BLK: variants seen among roughly 807,000 people sequenced by gnomAD.
BLK encodes tyrosine-protein kinase Blk.
In BLK, 64 loss-of-function variants were observed where a neutral mutation model predicts 61.8. That is an observed-to-expected ratio of 1.03 (90% CI 0.85 to 1.27). The LOEUF (loss-of-function observed/expected upper bound fraction) is 1.27. BLK is among the 50% of genes most tolerant of loss of function. BLK has a pLI of 0.00. For synonymous variants in BLK, 351 were observed against 272.0 expected (o/e 1.29, Z -2.86); for missense variants, 853 against 660.5 (o/e 1.29, Z -3.19).
chr8:11,533,439 G>T (rs991789456), intron 1 of BLK, among the ~76,000 whole-genome samples: 1 of 152,146 alleles, frequency 6.6e-6, no homozygotes, highest in Non-Finnish European at 1.5e-5. Context: ...ATGATGTCCA[G>T]GGCCTTTTAA....
At chr8:11,507,787 G>A (rs542777941) in intron 1 of BLK, among the ~76,000 whole-genome samples, 64 of 152,296 alleles carry the variant, frequency 4.2e-4, no homozygotes, top group Non-Finnish European at 5.1e-4. Context: ...GAGGCCAGGA[G>A]AGCAGGGAAG....
chr8:11,534,137 A>G (rs1476347920), intron 1 of BLK, among the ~76,000 whole-genome samples: 2 of 152,244 alleles, frequency 1.3e-5, no homozygotes, highest in Non-Finnish European at 2.9e-5. Flanking sequence ...CTGCTGGTTA[A>G]AATACAAACT....
chr8:11,559,269 A>T (rs1212283884), intron 10 of BLK, among the ~76,000 whole-genome samples: 1 of 152,110 alleles, frequency 6.6e-6, no homozygotes, highest in Admixed American at 6.6e-5. Flanking sequence ...GACCATGCCA[A>T]TGGCTCTCTA....
At chr8:11,556,946 A>T (rs780026206) in intron 9 of BLK, 109 bp downstream of exon 9, 7 of 1,002,676 alleles carry the variant, frequency 7.0e-6, no homozygotes, top group East Asian at 9.6e-5. Context: ...GGTCCTGCAG[A>T]TCTAGGGCAT....
intron 1 of BLK, among the ~76,000 whole-genome samples, chr8:11,528,522 G>A (rs530702589): frequency 6.6e-6 from 1 of 152,220 alleles, no homozygotes; most frequent in South Asian, 2.1e-4. Flanking sequence ...TTGGGCTTCA[G>A]CACCCCTCAA....
At chr8:11,561,210 A>C (rs1336206841) in intron 10 of BLK, 92 bp from the exon 11 acceptor site, 1 of 1,523,408 alleles carries the variant, frequency 6.6e-7, no homozygotes, top group Non-Finnish European at 8.9e-7. Flanking sequence ...CTTCCCCAGC[A>C]GCCCACAGGG....
chr8:11,561,554 C>A (rs1801508629), intron 11 of BLK, 102 bp downstream of exon 11: 6 of 1,425,990 alleles, frequency 4.2e-6, no homozygotes, highest in Admixed American at 3.9e-5. Flanking sequence ...AGGGAAGACA[C>A]CTGAGGGCTA....
intron 1 of BLK, among the ~76,000 whole-genome samples, chr8:11,533,234 C>A (rs976811051): frequency 3.9e-5 from 6 of 152,188 alleles, no homozygotes; most frequent in East Asian, 1.9e-4. Context: ...AGGCCTGAGA[C>A]CTTTTCTTTT....
intron 1 of BLK, among the ~76,000 whole-genome samples, chr8:11,519,085 C>G (rs1463223657): frequency 6.6e-6 from 1 of 152,240 alleles, no homozygotes; most frequent in Non-Finnish European, 1.5e-5. Context: ...GCCTTCCCCT[C>G]TGCTCTCCTC....
chr8:11,548,205 T>TCCAGGGTCAG, intron 4 of BLK, 80 bp downstream of exon 4: 1 of 1,219,516 alleles, frequency 8.2e-7, no homozygotes, highest in Non-Finnish European at 1.2e-6. Context: ...CACCACATCC[T>TCCAGGGTCAG]CCATGGCTGA....
intron 5 of BLK, chr8:11,549,854 GC>G (rs1800820152): frequency 2.4e-6 from 1 of 412,304 alleles, no homozygotes; most frequent in African/African-American, 2.0e-5. Context: ...ACGCAGCTGT[GC>G]TTTGGAGAGA....
At chr8:11,554,677 C>A in intron 6 of BLK, 66 bp from the exon 7 acceptor site, 1 of 1,591,494 alleles carries the variant, frequency 6.3e-7, no homozygotes. Flanking sequence ...AAATGAGGCC[C>A]AAATCCCAGT....
Position 11,495,249 on chromosome 8 carries a change from C to T in BLK, c.-2+658C>T, listed in dbSNP as rs530376556. Among the ~76,000 whole-genome samples, 7 of 152,252 alleles carry T rather than the reference C, an allele frequency of 4.6e-5. No individual in the cohort carries two copies. In the East Asian group the frequency reaches 5.8e-4, roughly 13 times the overall value. ...CAACGTTTCCATTTATCTGGTAATG[C>T]GGGTGGATGAAGTTCACCCTCATCC... On this transcript the variant is annotated intron_variant, in intron 1 of 12. Transcript: ENST00000259089.
chr8:11,546,115 G>C lies in BLK; in HGVS notation c.175+12G>C. 6.2e-7 allele frequency: 1 copy of C among 1,614,176 alleles called. No individual in the cohort carries two copies. Among genetic ancestry groups the C allele is most frequent in the Non-Finnish European group, 8.5e-7 (1 of 1,180,014 alleles). On this transcript the variant is annotated intron_variant, in intron 3 of 12. Transcript: ENST00000259089. Reference sequence around the variant, plus strand: ...ACACCTGGATGAAGGTAAGAAGGGTGGTTTGGGAAGCTGAGGCTCCACAGC... The same window carrying C: ...ACACCTGGATGAAGGTAAGAAGGGTCGTTTGGGAAGCTGAGGCTCCACAGC...
intron 2 of BLK, 181 bp from the exon 3 acceptor site, chr8:11,545,871 C>G (rs1800610706): frequency 1.4e-6 from 1 of 730,602 alleles, no homozygotes; most frequent in Non-Finnish European, 2.5e-6. Context: ...GGGGGTCTGT[C>G]TGAGGGTAGT....
chr8:11,513,715 G>A (rs1799112804), intron 1 of BLK, among the ~76,000 whole-genome samples: 1 of 152,214 alleles, frequency 6.6e-6, no homozygotes, highest in African/African-American at 2.4e-5. Context: ...TTCCCAAAGT[G>A]CCTTCTAAAT....
chr8:11,543,118 C>A, intron 1 of BLK, 106 bp from the exon 2 acceptor site: 1 of 1,574,186 alleles, frequency 6.4e-7, no homozygotes, highest in Non-Finnish European at 8.6e-7. Context: ...CCACTTCCAC[C>A]CCACCTTTCT....
chr8:11,525,294 A>G (rs1172271843), intron 1 of BLK, among the ~76,000 whole-genome samples: 1 of 152,240 alleles, frequency 6.6e-6, no homozygotes, highest in Non-Finnish European at 1.5e-5. Context: ...CAAATCCTTC[A>G]GAGGTACTTA....
At chr8:11,560,635 T>C in intron 10 of BLK, 1 of 343,116 alleles carries the variant, frequency 2.9e-6, no homozygotes, top group South Asian at 2.2e-5. Flanking sequence ...CCCAGGCTGG[T>C]GATCAGGGGA....
Sources: gnomAD v4.1 joint callset for allele counts (sites outside exome capture counted in the v4.1 genomes callset) on GRCh38, gnomAD v4.1.1 for gene constraint, MANE v1.5 for transcripts, NCBI Gene and HGNC (gene_info 2026-07-23, HGNC 2026-07-21) for gene names.